The following CTNNA3 variants were observed in gnomAD, a reference collection of about 807,000 sequenced individuals.
The protein encoded by CTNNA3 is catenin alpha 3, also known as catenin alpha-3.
Under a neutral mutation model 95.7 loss-of-function variants are expected in CTNNA3, and 76 were observed. That is an observed-to-expected ratio of 0.79 (90% CI 0.66 to 0.96). CTNNA3 has a LOEUF of 0.96. Ranked by LOEUF, CTNNA3 falls within the 40% of genes least tolerant of loss-of-function variation. The pLI is 0.00. For missense variants in CTNNA3, 1,191 were observed against 1,089.8 expected (o/e 1.09, Z -1.31); for synonymous variants, 431 against 374.4 (o/e 1.15, Z -1.74).
At chr10:67,368,506 T>C (rs1340805615) in intron 5 of CTNNA3, among the ~76,000 whole-genome samples, 1 of 152,220 alleles carries the variant, frequency 6.6e-6, no homozygotes, top group Non-Finnish European at 1.5e-5. Context: ...ACTGCACTCC[T>C]AGATATTTGC....
At chr10:66,932,032 C>T (rs555938776) in intron 7 of CTNNA3, among the ~76,000 whole-genome samples, 3 of 152,222 alleles carry the variant, frequency 2.0e-5, no homozygotes, top group South Asian at 2.1e-4. Flanking sequence ...GGAGGGGGGC[C>T]TCCCCTTCCG....
chr10:66,496,826 C>G (rs1024858070), intron 11 of CTNNA3, among the ~76,000 whole-genome samples: 1 of 152,122 alleles, frequency 6.6e-6, no homozygotes, highest in Non-Finnish European at 1.5e-5. Context: ...ATTCATAACA[C>G]AGTATCACTG....
intron 7 of CTNNA3, among the ~76,000 whole-genome samples, chr10:66,998,606 C>G (rs1044469528): frequency 3.9e-5 from 6 of 151,912 alleles, no homozygotes; most frequent in Non-Finnish European, 8.8e-5. Context: ...AAAAAAGGCA[C>G]ATTGGAAATA....
chr10:67,046,323 C>T (rs1239537477), intron 7 of CTNNA3, among the ~76,000 whole-genome samples: 1 of 152,142 alleles, frequency 6.6e-6, no homozygotes, highest in Non-Finnish European at 1.5e-5. Context: ...ATCAAATATG[C>T]CAGGTTTCAA....
At chr10:67,434,962 G>T (rs1846249586) in intron 5 of CTNNA3, among the ~76,000 whole-genome samples, 1 of 151,956 alleles carries the variant, frequency 6.6e-6, no homozygotes, top group East Asian at 1.9e-4. Flanking sequence ...TAAAGGAGTA[G>T]ATGTATATAC....
chr10:66,387,308 A>T (rs2092901078), intron 11 of CTNNA3, among the ~76,000 whole-genome samples: 1 of 152,248 alleles, frequency 6.6e-6, no homozygotes, highest in South Asian at 2.1e-4. Flanking sequence ...ACTTCTCAAA[A>T]GAAGACATCT....
chr10:67,234,095 C>G (rs1865346012), intron 5 of CTNNA3, among the ~76,000 whole-genome samples: 1 of 152,206 alleles, frequency 6.6e-6, no homozygotes, highest in Non-Finnish European at 1.5e-5. Context: ...CAAGGAGGAA[C>G]TGGTACCATT....
intron 11 of CTNNA3, among the ~76,000 whole-genome samples, chr10:66,412,905 T>C (rs1335165477): frequency 6.6e-6 from 1 of 152,194 alleles, no homozygotes; most frequent in Non-Finnish European, 1.5e-5. Flanking sequence ...GTAATAACTC[T>C]AGGATTTCTT....
chr10:66,348,107 T>A (rs973628894), intron 12 of CTNNA3, among the ~76,000 whole-genome samples: 12 of 152,100 alleles, frequency 7.9e-5, no homozygotes, highest in Admixed American at 5.9e-4. Context: ...GACAATCAGG[T>A]TGGCATCAGA....
intron 12 of CTNNA3, among the ~76,000 whole-genome samples, chr10:66,330,339 C>G (rs1271491771): frequency 6.6e-6 from 1 of 151,694 alleles, no homozygotes; most frequent in East Asian, 1.9e-4. Flanking sequence ...TTGTCCTTGC[C>G]ATAGTTTGCT....
At chr10:65,977,748 T>C (rs141832215) in intron 16 of CTNNA3, among the ~76,000 whole-genome samples, 3,615 of 151,956 alleles carry the variant, frequency 0.024, 60 homozygotes, top group Middle Eastern at 0.048. Flanking sequence ...GCCACTACAC[T>C]CCAGCCTGGG....
At chr10:67,376,509 G>A (rs548281242) in intron 5 of CTNNA3, among the ~76,000 whole-genome samples, 2 of 152,352 alleles carry the variant, frequency 1.3e-5, no homozygotes, top group East Asian at 3.9e-4. Context: ...CCTTGGTAGA[G>A]ATGAAAGAAT....
chr10:66,785,637 C>T (rs1937859314), intron 7 of CTNNA3, among the ~76,000 whole-genome samples: 1 of 152,170 alleles, frequency 6.6e-6, no homozygotes, highest in Non-Finnish European at 1.5e-5. Flanking sequence ...CCCTGGTTCT[C>T]TGGCCCTCAG....
intron 7 of CTNNA3, among the ~76,000 whole-genome samples, chr10:66,974,811 T>A (rs1027088677): frequency 6.6e-6 from 1 of 152,202 alleles, no homozygotes; most frequent in Non-Finnish European, 1.5e-5. Flanking sequence ...TTTGTTTTTT[T>A]TTTTCTGAAG....
At chr10:66,748,013 A>C (rs2132718013) in intron 9 of CTNNA3, among the ~76,000 whole-genome samples, 1 of 152,298 alleles carries the variant, frequency 6.6e-6, no homozygotes, top group Middle Eastern at 3.4e-3. Context: ...TGACAGTGAC[A>C]GTCCATTTCT....
chr10:66,924,705 T>C (rs982096607), intron 7 of CTNNA3, among the ~76,000 whole-genome samples: 3 of 152,228 alleles, frequency 2.0e-5, no homozygotes, highest in Non-Finnish European at 4.4e-5. Flanking sequence ...CAAATAAAGT[T>C]AATATTATTC....
chr10:66,958,838 G>C (rs1158282758), intron 7 of CTNNA3, among the ~76,000 whole-genome samples: 1 of 152,124 alleles, frequency 6.6e-6, no homozygotes, highest in Admixed American at 6.6e-5. Flanking sequence ...AAAATGGGGA[G>C]AGCTAAGGTT....
intron 15 of CTNNA3, among the ~76,000 whole-genome samples, chr10:66,058,309 G>C (rs555427490): frequency 6.6e-6 from 1 of 152,120 alleles, no homozygotes; most frequent in Non-Finnish European, 1.5e-5. Flanking sequence ...CATCTCTCAG[G>C]GTTGTATCTT....
chr10:67,398,299 G>C (rs1844792865), intron 5 of CTNNA3, among the ~76,000 whole-genome samples: 1 of 152,230 alleles, frequency 6.6e-6, no homozygotes, highest in South Asian at 2.1e-4. Context: ...TGTGAGACAT[G>C]AAGTCAAAGA....
Sources: allele counts gnomAD v4.1 joint callset (sites outside exome capture counted in the v4.1 genomes callset), GRCh38; gene constraint gnomAD v4.1.1; transcripts MANE v1.5; gene names NCBI Gene and HGNC (gene_info 2026-07-23, HGNC 2026-07-21).